The following COL21A1 variants were observed in gnomAD, a reference collection of about 807,000 sequenced individuals.
COL21A1 encodes the protein collagen type XXI alpha 1 chain.
A neutral mutation model predicts 137.9 loss-of-function variants in COL21A1; 149 were observed. The ratio of observed to expected loss-of-function variants is 1.08; its 90% CI spans 0.95 to 1.24. The LOEUF is 1.24. Ranked by LOEUF, COL21A1 falls within the 50% of genes most tolerant of loss-of-function variation. The pLI, the probability that COL21A1 is intolerant of heterozygous loss-of-function variation, is 0.00. For synonymous variants in COL21A1, 456 were observed against 391.5 expected (o/e 1.16, Z -1.95); for missense variants, 1,167 against 1,158.4 (o/e 1.01, Z -0.11).
intron 1 of COL21A1, among the ~76,000 whole-genome samples, chr6:56,360,874 C>A (rs1264217528): frequency 1.3e-5 from 2 of 152,074 alleles, no homozygotes; most frequent in African/African-American, 4.8e-5. Context: ...CCAAGGTGGG[C>A]AGATCACCTG....
chr6:56,361,536 G>A (rs553619799), intron 1 of COL21A1, among the ~76,000 whole-genome samples: 1 of 152,232 alleles, frequency 6.6e-6, no homozygotes, highest in Non-Finnish European at 1.5e-5. Flanking sequence ...AGATTATCCA[G>A]TGGCTTAAGG....
chr6:56,094,546 C>G (rs186293535), intron 17 of COL21A1, among the ~76,000 whole-genome samples: 2 of 152,234 alleles, frequency 1.3e-5, no homozygotes, highest in South Asian at 4.1e-4. Flanking sequence ...ATTCTTACAG[C>G]CTCTATACAT....
Position 56,189,321 on chromosome 6 carries a change from T to C in COL21A1, c.-38-6665A>G, listed in dbSNP as rs537767385. Among the ~76,000 whole-genome samples the C allele has an allele frequency of 2.0e-5, 3 of 151,694 alleles. 1 individual carries two copies. The highest frequency in any genetic ancestry group is 7.3e-5 in the African/African-American group (3 of 41,360). On this transcript the variant is annotated intron_variant, in intron 1 of 29. Transcript: ENST00000244728. ...CACAGCACGAGAACTTCATGAAGCA[T>C]AAACAAGTATCAATAGCTGAATCAA...
intron 9 of COL21A1, among the ~76,000 whole-genome samples, chr6:56,163,979 C>G (rs1287632998): frequency 1.3e-5 from 2 of 152,124 alleles, no homozygotes; most frequent in East Asian, 3.8e-4. Context: ...AACTAGATAT[C>G]AAACTCACAA....
At chr6:56,322,579 G>A (rs767876547) in intron 1 of COL21A1, among the ~76,000 whole-genome samples, 1 of 152,100 alleles carries the variant, frequency 6.6e-6, no homozygotes, top group Non-Finnish European at 1.5e-5. Context: ...GTGTTTGAAA[G>A]TAAGTAAAAT....
At position 56,060,747 on chromosome 6, in the gene COL21A1, T is replaced by C; in HGVS notation, c.2401A>G (p.Ile801Val). Residue 801 changes from isoleucine to valine, a missense_variant, in exon 27 of 30, where the codon ATA becomes GTA. Transcript: ENST00000244728. ...TGCTATATTTGATACCTACCTCTTA[T>C]TACATCTGTGCAAACTTGTCGAATA... ...QFIRQVCTDV[I>V]RAQLPVLLQS... 6.2e-7 allele frequency: 1 copy of C among 1,606,046 alleles called. No individual in the cohort carries two copies. The highest frequency in any genetic ancestry group is 8.5e-7 in the Non-Finnish European group (1 of 1,177,896).
intron 1 of COL21A1, among the ~76,000 whole-genome samples, chr6:56,199,888 T>C (rs911396596): frequency 6.6e-6 from 1 of 152,184 alleles, no homozygotes; most frequent in African/African-American, 2.4e-5. Context: ...TCTGCTTCCA[T>C]GCAGTTTGTG....
At chr6:56,309,727 G>T (rs1056194158) in intron 1 of COL21A1, among the ~76,000 whole-genome samples, 1 of 152,128 alleles carries the variant, frequency 6.6e-6, no homozygotes, top group Admixed American at 6.5e-5. Flanking sequence ...GACCTGAGCA[G>T]TTCATCACCT....
intron 1 of COL21A1, among the ~76,000 whole-genome samples, chr6:56,196,351 A>T (rs1561972877): frequency 6.6e-6 from 1 of 152,122 alleles, no homozygotes; most frequent in Non-Finnish European, 1.5e-5. Context: ...ACAACATAGC[A>T]CTGGAAGTCC....
chr6:56,324,591 G>T (rs775772167), intron 1 of COL21A1, among the ~76,000 whole-genome samples: 1 of 152,004 alleles, frequency 6.6e-6, no homozygotes, highest in African/African-American at 2.4e-5. Context: ...CTGGCTGGGA[G>T]TAGTACCCAC....
chr6:56,286,609 A>G (rs573895143), intron 1 of COL21A1, among the ~76,000 whole-genome samples: 13 of 152,364 alleles, frequency 8.5e-5, no homozygotes, highest in Admixed American at 5.9e-4. Context: ...AACAAGTACA[A>G]GTTAACTCAA....
intron 1 of COL21A1, among the ~76,000 whole-genome samples, chr6:56,246,470 C>G (rs1234277623): frequency 6.7e-6 from 1 of 150,234 alleles, no homozygotes; most frequent in Non-Finnish European, 1.5e-5. Flanking sequence ...CCCCAGTATG[C>G]TTTTTTTTTT....
chr6:56,306,869 C>G (rs1764473513), intron 1 of COL21A1, among the ~76,000 whole-genome samples: 1 of 152,092 alleles, frequency 6.6e-6, no homozygotes, highest in Non-Finnish European at 1.5e-5. Flanking sequence ...TACCTTTTGT[C>G]TTTGATGATG....
At chr6:56,364,548 T>C (rs376584863) in intron 1 of COL21A1, among the ~76,000 whole-genome samples, 105 of 152,322 alleles carry the variant, frequency 6.9e-4, no homozygotes, top group African/African-American at 2.4e-3. Context: ...ACCATCTGAA[T>C]GGCACAGGCA....
chr6:56,333,161 T>C (rs912378407), intron 1 of COL21A1, among the ~76,000 whole-genome samples: 12 of 151,778 alleles, frequency 7.9e-5, no homozygotes, highest in Non-Finnish European at 1.3e-4. Context: ...GTTTAAAGAA[T>C]GCAATTTGAT....
At chr6:56,164,344 A>G (rs909861393) in intron 9 of COL21A1, 79 bp downstream of exon 9, 3 of 917,136 alleles carry the variant, frequency 3.3e-6, no homozygotes, top group Non-Finnish European at 5.2e-6. Flanking sequence ...AACAGGATCA[A>G]TGGTGATTAG....
chr6:56,099,728 CAAAT>C (rs1414679689), intron 17 of COL21A1, among the ~76,000 whole-genome samples: 1 of 151,902 alleles, frequency 6.6e-6, no homozygotes, highest in East Asian at 1.9e-4. Flanking sequence ...ATAACATAAA[CAAAT>C]AATCACACCC....
chr6:56,162,848 C>T (rs1333195009), intron 9 of COL21A1, among the ~76,000 whole-genome samples: 1 of 152,170 alleles, frequency 6.6e-6, no homozygotes, highest in Non-Finnish European at 1.5e-5. Flanking sequence ...ATAAGTATTT[C>T]TCCTTTATGT....
At chr6:56,335,983 T>C (rs1488022261) in intron 1 of COL21A1, among the ~76,000 whole-genome samples, 1 of 152,200 alleles carries the variant, frequency 6.6e-6, no homozygotes, top group African/African-American at 2.4e-5. Flanking sequence ...TTGATGATGA[T>C]GACTAAGAGA....
Sources: gnomAD v4.1 joint callset for allele counts (sites outside exome capture counted in the v4.1 genomes callset) on GRCh38, gnomAD v4.1.1 for gene constraint, MANE v1.5 for transcripts, NCBI Gene and HGNC (gene_info 2026-07-23, HGNC 2026-07-21) for gene names.